The following NXPH1 variants were observed in gnomAD, a reference collection of about 807,000 sequenced individuals.
NXPH1 encodes the protein neurexophilin 1, also known as neurexophilin-1.
A neutral mutation model predicts 23.7 loss-of-function variants in NXPH1; 5 were observed. The observed-to-expected ratio is 0.21, with a 90% confidence interval of 0.11 to 0.44. The LOEUF (loss-of-function observed/expected upper bound fraction) is 0.44. Ranked by LOEUF, NXPH1 falls within the 20% of genes least tolerant of loss-of-function variation. The pLI is 0.99. For missense variants in NXPH1, 324 were observed against 321.6 expected, an observed-to-expected ratio of 1.01 and a Z score of -0.06; for synonymous variants, 144 against 122.2, an observed-to-expected ratio of 1.18 and a Z score of -1.18.
At chr7:8,483,756 G>A (rs758659836) in intron 2 of NXPH1, among the ~76,000 whole-genome samples, 1 of 152,084 alleles carries the variant, frequency 6.6e-6, no homozygotes, top group Non-Finnish European at 1.5e-5. Flanking sequence ...GTAGCATCTT[G>A]GGATCCCCTG....
intron 2 of NXPH1, among the ~76,000 whole-genome samples, chr7:8,557,674 T>C (rs1409769967): frequency 1.3e-5 from 2 of 151,650 alleles, no homozygotes; most frequent in Non-Finnish European, 3.0e-5. Context: ...ACAGAACTGG[T>C]GCAGTAAAAA....
chr7:8,465,400 T>C (rs1816770294), intron 2 of NXPH1, among the ~76,000 whole-genome samples: 1 of 152,164 alleles, frequency 6.6e-6, no homozygotes, highest in South Asian at 2.1e-4. Context: ...AATTACCTTT[T>C]ATAAGGCCTC....
chr7:8,459,288 G>A (rs1222532064), intron 2 of NXPH1, among the ~76,000 whole-genome samples: 1 of 152,044 alleles, frequency 6.6e-6, no homozygotes. Flanking sequence ...ATCATGTAGA[G>A]ACTTCACTGG....
At chr7:8,483,299 T>A (rs1289350504) in intron 2 of NXPH1, among the ~76,000 whole-genome samples, 2 of 152,180 alleles carry the variant, frequency 1.3e-5, no homozygotes, top group Non-Finnish European at 2.9e-5. Context: ...GTTTTAAGCA[T>A]TGCTCTTAGC....
At position 8,752,644 on chromosome 7, in the gene NXPH1, A is replaced by T. The variant is rs947338959; in HGVS notation, c.*875A>T. The T allele has an allele frequency of 6.6e-6, 1 of 152,570 alleles. No individual in the cohort carries two copies. The highest frequency in any genetic ancestry group is 1.5e-5 in the Non-Finnish European group (1 of 68,030). The allele number at this position is 152,570 out of a possible 1,614,324, so 9.5% of individuals were successfully genotyped here. A position where few individuals can be genotyped will look rare whatever the true frequency, so the allele number is the denominator to read the frequency against. ...CTACACATATTGTAACAAATTCAAT[A>T]TCCTAGTCTTCATTTGTATGAATGG... On this transcript the variant is annotated 3_prime_UTR_variant, in exon 3 of 3. Coordinates refer to ENST00000405863, the MANE Select transcript of NXPH1 (RefSeq NM_152745.3).
At chr7:8,493,388 G>A (rs184657396) in intron 2 of NXPH1, among the ~76,000 whole-genome samples, 13 of 152,122 alleles carry the variant, frequency 8.5e-5, no homozygotes, top group Non-Finnish European at 1.9e-4. Context: ...AATGGCAGCA[G>A]GTAAGTAATT....
intron 2 of NXPH1, among the ~76,000 whole-genome samples, chr7:8,637,248 G>T (rs1404849535): frequency 6.6e-6 from 1 of 150,642 alleles, no homozygotes; most frequent in Non-Finnish European, 1.5e-5. Context: ...TGAGAGAGAG[G>T]GCCTGGCTTT....
intron 2 of NXPH1, among the ~76,000 whole-genome samples, chr7:8,619,416 T>C (rs1398807173): frequency 6.6e-6 from 1 of 152,232 alleles, no homozygotes. Flanking sequence ...AGAGTTTTGG[T>C]TAATCCAGGT....
intron 2 of NXPH1, among the ~76,000 whole-genome samples, chr7:8,480,933 G>A (rs1359755808): frequency 6.6e-6 from 1 of 152,112 alleles, no homozygotes; most frequent in Admixed American, 6.5e-5. Context: ...TCATTTCATG[G>A]TGAGACTCTT....
At chr7:8,580,767 A>G (rs971955150) in intron 2 of NXPH1, among the ~76,000 whole-genome samples, 1 of 151,994 alleles carries the variant, frequency 6.6e-6, no homozygotes, top group African/African-American at 2.4e-5. Context: ...AGGGAAAAAA[A>G]GTAGTTTCTG....
chr7:8,514,465 G>A (rs1817658723), intron 2 of NXPH1, among the ~76,000 whole-genome samples: 1 of 152,098 alleles, frequency 6.6e-6, no homozygotes, highest in South Asian at 2.1e-4. Context: ...CTACTACTAT[G>A]GACAAGCATT....
intron 2 of NXPH1, among the ~76,000 whole-genome samples, chr7:8,499,947 C>G (rs1335919768): frequency 6.6e-6 from 1 of 152,082 alleles, no homozygotes; most frequent in Non-Finnish European, 1.5e-5. Context: ...CATGTACGGA[C>G]AGAAAAATCT....
chr7:8,456,707 A>G (rs1816601762), intron 2 of NXPH1, among the ~76,000 whole-genome samples: 1 of 152,192 alleles, frequency 6.6e-6, no homozygotes, highest in African/African-American at 2.4e-5. Flanking sequence ...ATAACTTTTT[A>G]CATCCAAATC....
intron 2 of NXPH1, among the ~76,000 whole-genome samples, chr7:8,602,936 G>A (rs1819394469): frequency 6.6e-6 from 1 of 151,922 alleles, no homozygotes; most frequent in African/African-American, 2.4e-5. Flanking sequence ...TTAGCCTCCC[G>A]AGTAGCTGGG....
intron 2 of NXPH1, among the ~76,000 whole-genome samples, chr7:8,654,690 C>A (rs982802123): frequency 2.0e-5 from 3 of 152,118 alleles, no homozygotes; most frequent in African/African-American, 7.2e-5. Flanking sequence ...CTCAAGCCAC[C>A]TCTTTTCATA....
chr7:8,652,084 G>A (rs748818960), intron 2 of NXPH1, among the ~76,000 whole-genome samples: 5 of 151,980 alleles, frequency 3.3e-5, no homozygotes, highest in African/African-American at 1.2e-4. Flanking sequence ...ACCAATTTAC[G>A]AAGGACTTAT....
At chr7:8,691,861 A>C (rs939624123) in intron 2 of NXPH1, among the ~76,000 whole-genome samples, 1 of 152,328 alleles carries the variant, frequency 6.6e-6, no homozygotes, top group Middle Eastern at 3.4e-3. Context: ...GAGACTATCA[A>C]GTGCTATGTG....
chr7:8,495,312 C>A (rs896158958), intron 2 of NXPH1, among the ~76,000 whole-genome samples: 1 of 122,146 alleles, frequency 8.2e-6, no homozygotes, highest in African/African-American at 3.4e-5. Context: ...GAGACCCACC[C>A]ACATTATGGA....
rs142924820 is a variant in NXPH1 at position 8,655,985 on chromosome 7, C to T, written c.55-95023C>T. On this transcript the variant is annotated intron_variant, in intron 2 of 2. Coordinates refer to ENST00000405863, the MANE Select transcript of NXPH1 (RefSeq NM_152745.3). ...GTGCATGTGTCTTTCTCCCTAGCTA[C>T]ACTAAACTATATGGGGCTAGGAAGG... is the stretch of plus-strand genomic sequence containing the variant. Among the ~76,000 whole-genome samples, 31 of 152,316 alleles carry T rather than the reference C, an allele frequency of 2.0e-4. 1 individual carries two copies. The East Asian group carries it at 5.0e-3, about 25-fold the overall frequency.
Sources: gnomAD v4.1 joint callset for allele counts (sites outside exome capture counted in the v4.1 genomes callset) on GRCh38, gnomAD v4.1.1 for gene constraint, MANE v1.5 for transcripts, NCBI Gene and HGNC (gene_info 2026-07-23, HGNC 2026-07-21) for gene names.